The following RNF115 variants were observed in gnomAD, a reference collection of about 807,000 sequenced individuals.
The protein encoded by RNF115 is E3 ubiquitin-protein ligase RNF115.
RNF115 carries 31 observed loss-of-function variants against 39.2 expected under a neutral mutation model. That is an observed-to-expected ratio of 0.79 (90% CI 0.59 to 1.07). RNF115 has a LOEUF of 1.07. Ranked by LOEUF, RNF115 falls within the 50% of genes least tolerant of loss-of-function variation. The probability of loss-of-function intolerance (pLI) is 0.00; values close to 1 mark genes in which losing one functional copy is unlikely to be tolerated. For missense variants in RNF115, 384 were observed against 381.7 expected (o/e 1.01, Z -0.05); for synonymous variants, 124 against 131.0 (o/e 0.95, Z 0.37).
intron 3 of RNF115, among the ~76,000 whole-genome samples, chr1:145,780,536 C>G (rs1553717199): frequency 6.7e-6 from 1 of 149,568 alleles, no homozygotes; most frequent in African/African-American, 2.5e-5. Context: ...AGGATAATCG[C>G]TTGAACCCAG....
In RNF115 at chr1:145,746,446, T is replaced by C. The variant is rs1197904396; in HGVS notation, c.*420A>G. The C allele has an allele frequency of 1.3e-5, 2 of 153,644 alleles. No individual in the cohort carries two copies. Among genetic ancestry groups the C allele is most frequent in the Non-Finnish European group, 2.9e-5 (2 of 68,978 alleles). 9.5% of individuals were successfully genotyped at this position (153,644 alleles called of 1,614,324 possible). On this transcript the variant is annotated 3_prime_UTR_variant, in exon 9 of 9. Transcript: ENST00000582693. ...ATACAATTAAGACAAAAGGACTTTATATCAGCAGGACTTTAGGGCTGTGGT... is the reference window on the plus strand; with the variant it reads ...ATACAATTAAGACAAAAGGACTTTACATCAGCAGGACTTTAGGGCTGTGGT...
At chr1:145,772,424 G>GC (rs1467917628) in intron 3 of RNF115, 1 of 153,326 alleles carries the variant, frequency 6.5e-6, no homozygotes, top group African/African-American at 2.4e-5. Context: ...TAACAATGAA[G>GC]CCCCCTCAGC....
intron 4 of RNF115, among the ~76,000 whole-genome samples, chr1:145,759,724 T>A (rs1375047886): frequency 6.6e-6 from 1 of 152,150 alleles, no homozygotes; most frequent in East Asian, 1.9e-4. Flanking sequence ...TAACTCTCCA[T>A]TGGAACAGAA....
At chr1:145,789,996 T>C (rs1648590122) in intron 1 of RNF115, among the ~76,000 whole-genome samples, 1 of 151,704 alleles carries the variant, frequency 6.6e-6, no homozygotes, top group Non-Finnish European at 1.5e-5. Flanking sequence ...CCACGCCCAG[T>C]CCCGGCCTAG....
chr1:145,804,775 C>T (rs1179989186), intron 1 of RNF115, among the ~76,000 whole-genome samples: 2 of 152,122 alleles, frequency 1.3e-5, no homozygotes, highest in African/African-American at 4.8e-5. Context: ...AAACATGCTG[C>T]TTTAATGAAT....
Position 145,784,549 on chromosome 1 carries a change from T to C in RNF115, c.209A>G (p.His70Arg), listed in dbSNP as rs1553717874. The C allele has an allele frequency of 3.1e-6, 5 of 1,613,772 alleles. No homozygotes were observed. Among genetic ancestry groups the C allele is most frequent in the Non-Finnish European group, 3.4e-6 (4 of 1,179,854 alleles). Reference protein sequence around the residue: ...GSRIDNTTTTHFAELWGHLDH... With the variant: ...GSRIDNTTTTRFAELWGHLDH... ...TAAAGGAAAACTTACCTCTGCAAAA[T>C]GTGTTGTTGTGGTATTGTCTATCCG... Residue 70 changes from histidine to arginine, a missense_variant, in exon 3 of 9, where the codon CAT becomes CGT. Transcript: ENST00000582693.
At chr1:145,815,384 T>G (rs1649944444) in intron 1 of RNF115, among the ~76,000 whole-genome samples, 1 of 152,256 alleles carries the variant, frequency 6.6e-6, no homozygotes, top group Non-Finnish European at 1.5e-5. Flanking sequence ...CTCCATAAAA[T>G]ACTTAAGAAC....
chr1:145,765,288 GC>G (rs1658726140), intron 4 of RNF115, among the ~76,000 whole-genome samples: 1 of 152,084 alleles, frequency 6.6e-6, no homozygotes, highest in Non-Finnish European at 1.5e-5. Context: ...ACTGTGGAAG[GC>G]CGCAGGGCCC....
rs1657719160 is a variant in RNF115, at chr1:145,742,485, C to G, written c.*4381G>C. ...TGAATCCCTTCATCACAGAGAATAA[C>G]AGGGTACCAGCCCAAGCCAACAGTG... is the stretch of plus-strand genomic sequence containing the variant. On this transcript the variant is annotated 3_prime_UTR_variant, in exon 9 of 9. Coordinates refer to ENST00000582693, the MANE Select transcript of RNF115 (RefSeq NM_014455.4). 6.6e-6 allele frequency: 1 copy of G among 152,116 alleles called. No homozygotes were observed. The highest frequency in any genetic ancestry group is 1.9e-4 in the East Asian group (1 of 5,204). The allele number at this position is 152,116 out of a possible 1,614,324, so 9.4% of individuals were successfully genotyped here.
At chr1:145,815,571 C>T (rs1263282373) in intron 1 of RNF115, among the ~76,000 whole-genome samples, 1 of 152,238 alleles carries the variant, frequency 6.6e-6, no homozygotes, top group Non-Finnish European at 1.5e-5. Flanking sequence ...CTCCATGACA[C>T]AGCCCTCTGT....
chr1:145,785,096 T>C lies in RNF115; in HGVS notation c.162-500A>G, dbSNP rs781652696. ...ATAAATATTTCTCCCCCTACCCACC[T>C]TTCAGGACCCATCTCAAATGCTACC... On this transcript the variant is annotated intron_variant, in intron 2 of 8. Transcript: ENST00000582693. Among the ~76,000 whole-genome samples, 134 of 152,144 alleles carry C rather than the reference T, an allele frequency of 8.8e-4. 1 individual carries two copies. Among genetic ancestry groups the C allele is most frequent in the Non-Finnish European group, 1.6e-3 (108 of 68,016 alleles).
chr1:145,785,024 A>G lies in RNF115; in HGVS notation c.162-428T>C, dbSNP rs111424194. On this transcript the variant is annotated intron_variant, in intron 2 of 8. Coordinates refer to ENST00000582693, the MANE Select transcript of RNF115 (RefSeq NM_014455.4). ...TTTCTTAGGAATGATTAAATGTAGT[A>G]ATGTAAGGGGCCTGGTACTGTATTT... Among the ~76,000 whole-genome samples the G allele has an allele frequency of 4.0e-3, 612 of 152,336 alleles. 6 individuals carry two copies. Among genetic ancestry groups the G allele is most frequent in the African/African-American group, 0.014 (593 of 41,576 alleles).
At chr1:145,787,161 A>C (rs1403383328) in intron 2 of RNF115, 5 of 489,494 alleles carry the variant, frequency 1.0e-5, no homozygotes, top group Non-Finnish European at 1.8e-5. Flanking sequence ...CTTTTTGACC[A>C]GTCGGTACTT....
At chr1:145,805,263 A>G (rs995105997) in intron 1 of RNF115, among the ~76,000 whole-genome samples, 2 of 152,238 alleles carry the variant, frequency 1.3e-5, no homozygotes, top group Non-Finnish European at 2.9e-5. Context: ...GAAAGATCAC[A>G]TACAAACTGG....
At chr1:145,807,347 G>C (rs1486590882) in intron 1 of RNF115, among the ~76,000 whole-genome samples, 2 of 152,040 alleles carry the variant, frequency 1.3e-5, no homozygotes, top group Non-Finnish European at 2.9e-5. Flanking sequence ...AAAAACCTTA[G>C]GAACTCTGAA....
intron 2 of RNF115, among the ~76,000 whole-genome samples, chr1:145,786,028 C>T (rs932794750): frequency 3.3e-5 from 5 of 152,152 alleles, no homozygotes; most frequent in African/African-American, 9.7e-5. Context: ...GCCTTTACTA[C>T]ACAGTTTCAG....
intron 4 of RNF115, among the ~76,000 whole-genome samples, chr1:145,758,570 C>A (rs1228141021): frequency 1.3e-5 from 2 of 152,156 alleles, no homozygotes; most frequent in African/African-American, 4.8e-5. Context: ...AATATATACC[C>A]ACCTATTTGT....
At position 145,744,210 on chromosome 1, in the gene RNF115, T is replaced by C. The variant is rs952862008; in HGVS notation, c.*2656A>G. Reference sequence around the variant, plus strand: ...TATGTCCAGGCTGTCATGATTTTTCTGAGACAACTGATATTGTGTACTTGA... The same window carrying C: ...TATGTCCAGGCTGTCATGATTTTTCCGAGACAACTGATATTGTGTACTTGA... On this transcript the variant is annotated 3_prime_UTR_variant, in exon 9 of 9. Coordinates refer to ENST00000582693, the MANE Select transcript of RNF115 (RefSeq NM_014455.4). The C allele has an allele frequency of 5.3e-5, 8 of 152,314 alleles. No homozygotes were observed. The highest frequency in any genetic ancestry group is 1.2e-4 in the Non-Finnish European group (8 of 68,058). The allele number at this position is 152,314 out of a possible 1,614,324, so 9.4% of individuals were successfully genotyped here.
chr1:145,765,156 C>T (rs936774007), intron 4 of RNF115, among the ~76,000 whole-genome samples: 9 of 152,170 alleles, frequency 5.9e-5, no homozygotes, highest in Admixed American at 2.0e-4. Flanking sequence ...GTGCTGTGTC[C>T]ACTCAGGGTT....
Sources: gnomAD v4.1 joint callset for allele counts (sites outside exome capture counted in the v4.1 genomes callset) on GRCh38, gnomAD v4.1.1 for gene constraint, MANE v1.5 for transcripts, NCBI Gene and HGNC (gene_info 2026-07-23, HGNC 2026-07-21) for gene names.